Variants in VEGFD observed in about 807,000 individuals in gnomAD.
VEGFD encodes vascular endothelial growth factor D, also known as c-fos induced growth factor (vascular endothelial growth factor D).
Under a neutral mutation model 28.0 loss-of-function variants are expected in VEGFD, and 26 were observed. That is an observed-to-expected ratio of 0.93 (90% CI 0.68 to 1.29). VEGFD has a LOEUF of 1.29. VEGFD is among the 50% of genes most tolerant of loss of function. The pLI is 0.00. For missense variants in VEGFD, 294 were observed against 273.4 expected (o/e 1.08, Z -0.53); for synonymous variants, 93 against 95.5 (o/e 0.97, Z 0.15).
chrX:15,359,630 T>A (rs376422722), intron 2 of VEGFD, among the ~76,000 whole-genome samples: 4 of 110,213 alleles, frequency 3.6e-5, no homozygotes, highest in African/African-American at 1.3e-4. Flanking sequence ...CACTTATGAG[T>A]GAGAACATGC....
chrX:15,349,151 C>T (rs1020352938), intron 5 of VEGFD, among the ~76,000 whole-genome samples: 2 of 112,501 alleles, frequency 1.8e-5, no homozygotes, highest in East Asian at 2.8e-4. Flanking sequence ...AGGCAGATGC[C>T]GCTTTGGGGT....
Position 15,357,989 on chromosome X carries a change from C to G in VEGFD, c.492+14G>C, listed in dbSNP as rs746342021. 2.7e-5 allele frequency: 32 copies of G among 1,195,488 alleles called. 1 individual carries two copies. Among genetic ancestry groups the G allele is most frequent in the Non-Finnish European group, 3.4e-5 (30 of 886,680 alleles). On this transcript the variant is annotated intron_variant, in intron 3 of 6. Transcript: ENST00000297904. ...AGGGCTTTAGAGACGGCAGGCTTGCCGATGTCCTTATACCTGTTTGGAAAT... is the reference window on the plus strand; with the variant it reads ...AGGGCTTTAGAGACGGCAGGCTTGCGGATGTCCTTATACCTGTTTGGAAAT...
Position 15,384,260 on chromosome X carries a change from A to T in VEGFD, c.-314T>A. The T allele has an allele frequency of 5.2e-6, 1 of 191,599 alleles. No individual in the cohort carries two copies. Among genetic ancestry groups the T allele is most frequent in the Non-Finnish European group, 9.6e-6 (1 of 104,637 alleles). 15.8% of individuals were successfully genotyped at this position (191,599 alleles called of 1,213,427 possible). On this transcript the variant is annotated 5_prime_UTR_variant, in exon 1 of 7. Transcript: ENST00000297904. ...AAATTTACTTCATGTCCAGAAAATT[A>T]AAAAAATCTCTCCAATGTATGCCGC...
chrX:15,354,912 A>T (rs768952385), intron 4 of VEGFD, among the ~76,000 whole-genome samples: 13 of 111,927 alleles, frequency 1.2e-4, no homozygotes, highest in African/African-American at 3.9e-4. Flanking sequence ...ACGTGTCTAC[A>T]AGTAGACATG....
At chrX:15,366,111 A>G (rs1193706585) in intron 1 of VEGFD, among the ~76,000 whole-genome samples, 1 of 111,198 alleles carries the variant, frequency 9.0e-6, no homozygotes, top group South Asian at 3.8e-4. Flanking sequence ...GGTTCACGCC[A>G]TTCTCCCTCC....
At chrX:15,362,623 T>C (rs1212937967) in intron 2 of VEGFD, among the ~76,000 whole-genome samples, 1 of 111,179 alleles carries the variant, frequency 9.0e-6, no homozygotes. Context: ...CTCGTCATGT[T>C]GCCCAGGCTG....
At chrX:15,368,098 AG>A (rs1290534410) in intron 1 of VEGFD, among the ~76,000 whole-genome samples, 3 of 107,729 alleles carry the variant, frequency 2.8e-5, no homozygotes, top group Non-Finnish European at 3.9e-5. Context: ...AAAGAAAGAA[AG>A]AAAAGAAGGA....
intron 2 of VEGFD, among the ~76,000 whole-genome samples, chrX:15,362,440 A>G (rs1051077106): frequency 9.1e-6 from 1 of 110,009 alleles, no homozygotes; most frequent in Admixed American, 9.6e-5. Context: ...TTTTTGAGAC[A>G]GGATCTTGCT....
intron 5 of VEGFD, among the ~76,000 whole-genome samples, chrX:15,351,154 T>C (rs866670081): frequency 7.7e-5 from 7 of 90,832 alleles, no homozygotes; most frequent in South Asian, 6.1e-4. Context: ...CTCGCTCTGT[T>C]GCCCAGGCTG....
At position 15,358,063 on chromosome X, in the gene VEGFD, G is replaced by T. The variant is rs1294597443; in HGVS notation, c.432C>A (p.Gly144=). ...PPCVNVFRCG[G]CCNEESLICM... is the part of the protein sequence containing the mutation. Reference sequence around the variant, plus strand: ...AGATAAGGCTCTCTTCATTGCAACAGCCACCACATCGGAACACGTTCACAC... The same window carrying T: ...AGATAAGGCTCTCTTCATTGCAACATCCACCACATCGGAACACGTTCACAC... Residue 144 remains glycine, a synonymous_variant, in exon 3 of 7, where the codon GGC becomes GGA. Transcript: ENST00000297904. 3.3e-6 allele frequency: 4 copies of T among 1,209,943 alleles called. No homozygotes were observed. In the African/African-American group the frequency reaches 7.0e-5, roughly 21 times the overall value.
At chrX:15,374,403 C>T (rs185355991) in intron 1 of VEGFD, among the ~76,000 whole-genome samples, 41 of 112,345 alleles carry the variant, frequency 3.6e-4, no homozygotes, top group Admixed American at 8.5e-4. Context: ...TACTGGGACA[C>T]TGGTAGAATC....
intron 5 of VEGFD, among the ~76,000 whole-genome samples, chrX:15,352,202 T>A (rs1423541555): frequency 8.9e-6 from 1 of 112,476 alleles, no homozygotes; most frequent in East Asian, 2.8e-4. Context: ...TAGGTTGCTA[T>A]TTACAGTTTA....
chrX:15,350,609 A>G, intron 5 of VEGFD, among the ~76,000 whole-genome samples: 1 of 112,236 alleles, frequency 8.9e-6, no homozygotes, highest in Non-Finnish European at 1.9e-5. Context: ...GTGCCTGCCT[A>G]CAAACCTCCT....
chrX:15,367,947 A>T (rs1233061967), intron 1 of VEGFD, among the ~76,000 whole-genome samples: 1 of 102,312 alleles, frequency 9.8e-6, no homozygotes, highest in Non-Finnish European at 2.0e-5. Flanking sequence ...ATGGAGCACG[A>T]TCTTGAAAAA....
At chrX:15,371,244 A>G (rs1923301479) in intron 1 of VEGFD, among the ~76,000 whole-genome samples, 1 of 111,949 alleles carries the variant, frequency 8.9e-6, no homozygotes, top group South Asian at 3.7e-4. Flanking sequence ...TAAAAACACT[A>G]TCACAGCCAG....
chrX:15,353,979 T>C (rs1922797846), intron 4 of VEGFD, among the ~76,000 whole-genome samples: 1 of 105,594 alleles, frequency 9.5e-6, no homozygotes. Flanking sequence ...TTTTCTTTTC[T>C]TTTTTTTTTG....
At chrX:15,366,168 G>A (rs1024227782) in intron 1 of VEGFD, among the ~76,000 whole-genome samples, 3 of 110,429 alleles carry the variant, frequency 2.7e-5, no homozygotes, top group Non-Finnish European at 3.8e-5. Flanking sequence ...CACCACGCCC[G>A]GCTAATTTTG....
At chrX:15,368,060 AG>A (rs1434259264) in intron 1 of VEGFD, among the ~76,000 whole-genome samples, 62 of 98,642 alleles carry the variant, frequency 6.3e-4, no homozygotes, top group Middle Eastern at 5.1e-3. Flanking sequence ...GAAGAAAGAA[AG>A]GAAAGAAAGA....
chrX:15,352,058 T>C (rs746730552), intron 5 of VEGFD, among the ~76,000 whole-genome samples: 6 of 111,536 alleles, frequency 5.4e-5, no homozygotes, highest in Non-Finnish European at 1.1e-4. Flanking sequence ...GAACACTTGG[T>C]GGGAAGGGTG....
Sources: gnomAD v4.1 joint callset for allele counts (sites outside exome capture counted in the v4.1 genomes callset) on GRCh38, gnomAD v4.1.1 for gene constraint, MANE v1.5 for transcripts, NCBI Gene and HGNC (gene_info 2026-07-23, HGNC 2026-07-21) for gene names.